EVC2: variants seen among roughly 807,000 people sequenced by gnomAD.
The protein encoded by EVC2 is limbin.
Under a neutral mutation model 149.3 loss-of-function variants are expected in EVC2, and 148 were observed. The ratio of observed to expected loss-of-function variants is 0.99; its 90% CI spans 0.87 to 1.14. The LOEUF is 1.14. Ranked by LOEUF, EVC2 falls within the 50% of genes most tolerant of loss-of-function variation. The pLI is 0.00. For missense variants in EVC2, 1,854 were observed against 1,627.3 expected, an observed-to-expected ratio of 1.14 and a Z score of -2.40; for synonymous variants, 776 against 649.9, an observed-to-expected ratio of 1.19 and a Z score of -2.95.
At position 5,689,190 on chromosome 4, in the gene EVC2, C is replaced by T. The variant is rs903040749; in HGVS notation, c.673G>A (p.Gly225Arg). The change falls in exon 5 of 22, where the codon GGA becomes AGA. Residue 225 changes from glycine to arginine, a missense_variant. Physicochemically the swap from Gly to Arg is moderately radical, Grantham distance 125. Transcript: ENST00000344408. ...AACTTCTTGCTAAAAGCCTGGAATC[C>T]TTCCGAGGTCCTGTTTCCCACAGAG... is the stretch of plus-strand genomic sequence containing the variant. ...WDSVGNRTSE[G>R]FQAFSKKFLQ... 4 of 1,614,220 alleles carry T rather than the reference C, an allele frequency of 2.5e-6. No homozygotes were observed. The South Asian group carries it at 4.4e-5, about 18-fold the overall frequency.
In EVC2 at chr4:5,614,131, C is replaced by T. The variant is rs548852620; in HGVS notation, c.2829+1291G>A. On this transcript the variant is annotated intron_variant, in intron 16 of 21. Transcript: ENST00000344408. This position sits in a 1 kb window ranked among gnomAD's most constrained non-coding sequence, Gnocchi z 4.7. ...GGCAGACAGACACTCAGGCTGCGGTCACACAGCGTCTACTCTTAAGCAGCA... is the reference window on the plus strand; with the variant it reads ...GGCAGACAGACACTCAGGCTGCGGTTACACAGCGTCTACTCTTAAGCAGCA... 2.6e-5 allele frequency among the ~76,000 whole-genome samples: 4 copies of T among 152,300 alleles called. No homozygotes were observed. In the South Asian group the frequency reaches 8.3e-4, roughly 32 times the overall value.
At chr4:5,638,450 A>G (rs1301205669) in intron 10 of EVC2, among the ~76,000 whole-genome samples, 2 of 151,996 alleles carry the variant, frequency 1.3e-5, no homozygotes, top group South Asian at 2.1e-4. Context: ...AGATAATGGG[A>G]TCATTTAGGA....
intron 1 of EVC2, among the ~76,000 whole-genome samples, chr4:5,706,261 C>G (rs1722123783): frequency 6.6e-6 from 1 of 150,818 alleles, no homozygotes; most frequent in South Asian, 2.1e-4. Context: ...GCCCCCTGCA[C>G]ACAGCATGGG....
At position 5,670,169 on chromosome 4, in the gene EVC2, C is replaced by T. The variant is rs936112298; in HGVS notation, c.871-4520G>A. Reference sequence around the variant, plus strand: ...AGAAGAAGGAGGCTCCATATAATCACTACCATCACTATCATCATCACCAAC... The same window carrying T: ...AGAAGAAGGAGGCTCCATATAATCATTACCATCACTATCATCATCACCAAC... On this transcript the variant is annotated intron_variant, in intron 7 of 21. Transcript: ENST00000344408. This position sits in a 1 kb window ranked among gnomAD's most constrained non-coding sequence, Gnocchi z 5.2. 8.5e-5 allele frequency among the ~76,000 whole-genome samples: 13 copies of T among 152,184 alleles called. No homozygotes were observed. Among genetic ancestry groups the T allele is most frequent in the Admixed American group, 2.6e-4 (4 of 15,284 alleles).
chr4:5,707,038 G>T (rs1722247627), intron 1 of EVC2, among the ~76,000 whole-genome samples: 1 of 152,178 alleles, frequency 6.6e-6, no homozygotes, highest in Admixed American at 6.5e-5. Context: ...CTTCCCAGAA[G>T]GAAGAGCTTG....
intron 10 of EVC2, among the ~76,000 whole-genome samples, chr4:5,639,698 A>G (rs2108862226): frequency 6.6e-6 from 1 of 152,352 alleles, no homozygotes; most frequent in Middle Eastern, 3.4e-3. Flanking sequence ...CTAACAGGCT[A>G]TATAGTCCAG....
intron 16 of EVC2, among the ~76,000 whole-genome samples, chr4:5,585,056 G>T (rs1006188856): frequency 6.6e-6 from 1 of 152,132 alleles, no homozygotes; most frequent in Non-Finnish European, 1.5e-5. Context: ...GGGGAGCCCA[G>T]CCATCCTTCA....
chr4:5,692,868 C>T (rs1197656693), intron 3 of EVC2, among the ~76,000 whole-genome samples: 2 of 82,416 alleles, frequency 2.4e-5, no homozygotes, highest in African/African-American at 5.6e-5. Context: ...AGCGAGACTC[C>T]GTCTCAAAAA....
At chr4:5,544,389 T>C (rs993957438) in intron 21 of EVC2, among the ~76,000 whole-genome samples, 1 of 152,190 alleles carries the variant, frequency 6.6e-6, no homozygotes, top group Non-Finnish European at 1.5e-5. Context: ...TCTCTGGAAA[T>C]AATTTGATTA....
chr4:5,542,268 G>A (rs1483223127), downstream of EVC2, among the ~76,000 whole-genome samples: 6 of 152,160 alleles, frequency 3.9e-5, no homozygotes, highest in Non-Finnish European at 5.9e-5. Flanking sequence ...CCTGGGAAAC[G>A]TGGTGAAACC....
rs577086875 is a variant in EVC2, at chr4:5,579,191, G to A, written c.3058-2737C>T. Among the ~76,000 whole-genome samples, 85 of 152,246 alleles carry A rather than the reference G, an allele frequency of 5.6e-4. 2 individuals carry two copies. Among genetic ancestry groups the A allele is most frequent in the Admixed American group, 1.3e-3 (20 of 15,294 alleles). On this transcript the variant is annotated intron_variant, in intron 17 of 21. Coordinates refer to ENST00000344408, the MANE Select transcript of EVC2 (RefSeq NM_147127.5). ...GTAACTAGAGTAGGGAGAAAGGGAG[G>A]TAGGCAGAAATTGAGTTTAGGACAG...
At chr4:5,655,496 T>C (rs1560200196) in intron 9 of EVC2, among the ~76,000 whole-genome samples, 1 of 152,110 alleles carries the variant, frequency 6.6e-6, no homozygotes, top group Non-Finnish European at 1.5e-5. Context: ...CTGGCACACG[T>C]TCCCTCTGCT....
rs775028194 is a variant in EVC2 at position 5,694,367 on chromosome 4, A to G, written c.418T>C (p.Phe140Leu). The change falls in exon 3 of 22, where the codon TTT (phenylalanine) becomes CTT (leucine). Residue 140 changes from phenylalanine to leucine, a missense_variant. By Grantham distance (22) the Phe-to-Leu change is conservative (BLOSUM62 0). Transcript: ENST00000344408. ...TGTGTTATAGGAGACTCTCTTTTAA[A>G]TAAGTTCTTCTTAGGCCAGGAGGGT... ...FIPSWPKKNL[F>L]KRESPITHRL... 18 of 1,614,032 alleles carry G rather than the reference A, an allele frequency of 1.1e-5. No homozygotes were observed. The African/African-American group carries it at 1.9e-4, about 17-fold the overall frequency.
At chr4:5,661,048 A>T (rs559514385) in intron 9 of EVC2, among the ~76,000 whole-genome samples, 1 of 152,364 alleles carries the variant, frequency 6.6e-6, no homozygotes, top group East Asian at 1.9e-4. Context: ...ATCTGAAAAC[A>T]TAAGGCATTA....
downstream of EVC2, among the ~76,000 whole-genome samples, chr4:5,537,952 G>A (rs1052620068): frequency 6.6e-6 from 1 of 151,216 alleles, no homozygotes; most frequent in Non-Finnish European, 1.5e-5. Flanking sequence ...AGATATCAGT[G>A]AAATACAAAA....
intron 1 of EVC2, among the ~76,000 whole-genome samples, chr4:5,700,747 C>T (rs1301054264): frequency 1.3e-5 from 2 of 152,180 alleles, no homozygotes; most frequent in Non-Finnish European, 1.5e-5. Context: ...CAGGTGCAGC[C>T]GATAGCACCT....
chr4:5,615,597 A>G lies in EVC2; in HGVS notation c.2707-53T>C, dbSNP rs1715187964. On this transcript the variant is annotated intron_variant, in intron 15 of 21. Coordinates refer to ENST00000344408, the MANE Select transcript of EVC2 (RefSeq NM_147127.5). ...TAAGAAGGCAATCACCAGCAAGTCCATGCAGCTCCCCCGAGGGCTTTGCAG... is the reference window on the plus strand; with the variant it reads ...TAAGAAGGCAATCACCAGCAAGTCCGTGCAGCTCCCCCGAGGGCTTTGCAG... 2.5e-6 allele frequency: 4 copies of G among 1,613,500 alleles called. No homozygotes were observed. The East Asian group carries it at 6.7e-5, about 27-fold the overall frequency.
chr4:5,547,539 C>T (rs777320975), intron 21 of EVC2, among the ~76,000 whole-genome samples: 2 of 152,196 alleles, frequency 1.3e-5, no homozygotes, highest in Non-Finnish European at 1.5e-5. Context: ...CATGGACCAA[C>T]TGGCATACAC....
chr4:5,684,472 G>A (rs549368243), intron 6 of EVC2, among the ~76,000 whole-genome samples: 1 of 152,248 alleles, frequency 6.6e-6, no homozygotes, highest in African/African-American at 2.4e-5. Flanking sequence ...CCGTGAATAG[G>A]GAAGACTTTC....
Sources: allele counts gnomAD v4.1 joint callset (sites outside exome capture counted in the v4.1 genomes callset), GRCh38; gene constraint gnomAD v4.1.1; non-coding constraint Gnocchi (gnomAD v3.1); transcripts MANE v1.5; gene names NCBI Gene and HGNC (gene_info 2026-07-23, HGNC 2026-07-21).